Variants in DAB2 observed in about 807,000 individuals in gnomAD.
DAB2 encodes disabled homolog 2.
A neutral mutation model predicts 71.6 loss-of-function variants in DAB2; 28 were observed. The ratio of observed to expected loss-of-function variants is 0.39; its 90% CI spans 0.29 to 0.54. The LOEUF (loss-of-function observed/expected upper bound fraction) is 0.54. Ranked by LOEUF, DAB2 falls within the 20% of genes least tolerant of loss-of-function variation. The pLI is 0.68. For synonymous variants in DAB2, 345 were observed against 339.7 expected, an observed-to-expected ratio of 1.02 and a Z score of -0.17; for missense variants, 867 against 928.8, an observed-to-expected ratio of 0.93 and a Z score of 0.86.
At chr5:39,420,523 A>C (rs909115867) in intron 1 of DAB2, among the ~76,000 whole-genome samples, 4 of 152,084 alleles carry the variant, frequency 2.6e-5, no homozygotes, top group Non-Finnish European at 5.9e-5. Flanking sequence ...TGCCCCATTC[A>C]CTTAGAATTT....
intron 4 of DAB2, among the ~76,000 whole-genome samples, chr5:39,391,292 TG>T (rs1438276034): frequency 3.9e-5 from 6 of 152,192 alleles, no homozygotes; most frequent in African/African-American, 1.4e-4. Context: ...TAGGGATATT[TG>T]TAGGTGGCAG....
chr5:39,388,403 T>C lies in DAB2; in HGVS notation c.625-36A>G, dbSNP rs772431559. 7.7e-6 allele frequency: 11 copies of C among 1,419,424 alleles called. No homozygotes were observed. In the Admixed American group the frequency reaches 2.0e-4, roughly 25 times the overall value. The allele number at this position is 1,419,424 out of a possible 1,614,324, so 87.9% of individuals were successfully genotyped here. A position where few individuals can be genotyped will look rare whatever the true frequency, so the allele number is the denominator to read the frequency against. Reference sequence around the variant, plus strand: ...TATTTGGATTAGATTCAGATGTGTCTACTAAAAAAGATTACTTCGTATATT... The same window carrying C: ...TATTTGGATTAGATTCAGATGTGTCCACTAAAAAAGATTACTTCGTATATT... On this transcript the variant is annotated intron_variant, in intron 8 of 14. Transcript: ENST00000320816.
chr5:39,410,255 G>A (rs1755692980), intron 1 of DAB2, among the ~76,000 whole-genome samples: 1 of 152,110 alleles, frequency 6.6e-6, no homozygotes, highest in Admixed American at 6.5e-5. Flanking sequence ...TTTAAGATAA[G>A]CTCTTGAGAT....
chr5:39,389,022 T>A lies in DAB2; in HGVS notation c.570+75A>T, dbSNP rs546682739. The A allele has an allele frequency of 1.3e-5, 18 of 1,430,120 alleles. No individual in the cohort carries two copies. The African/African-American group carries it at 2.5e-4, about 20-fold the overall frequency. 88.6% of individuals were successfully genotyped at this position (1,430,120 alleles called of 1,614,324 possible). On this transcript the variant is annotated intron_variant, in intron 7 of 14. Transcript: ENST00000320816. ...ATAGTAATAAGCGAGGTGGCGAGAG[T>A]GGTTGGGCAGGTAGAAAACAGGGGC... is the stretch of plus-strand genomic sequence containing the variant.
At chr5:39,407,589 C>T (rs1443767971) in intron 1 of DAB2, among the ~76,000 whole-genome samples, 5 of 152,196 alleles carry the variant, frequency 3.3e-5, no homozygotes, top group South Asian at 2.1e-4. Context: ...TTCTCATCCC[C>T]GTATGAAATA....
At chr5:39,416,994 C>T (rs532653809) in intron 1 of DAB2, among the ~76,000 whole-genome samples, 33 of 152,156 alleles carry the variant, frequency 2.2e-4, no homozygotes, top group Middle Eastern at 3.4e-3. Flanking sequence ...CACATTCTGC[C>T]AATAGAGCCA....
chr5:39,401,337 T>C (rs1755494904), intron 1 of DAB2, among the ~76,000 whole-genome samples: 1 of 152,190 alleles, frequency 6.6e-6, no homozygotes, highest in South Asian at 2.1e-4. Flanking sequence ...ATCATTGCCT[T>C]TAATCTTTGA....
intron 12 of DAB2, 145 bp downstream of exon 12, chr5:39,376,505 G>A (rs1407549443): frequency 7.4e-6 from 7 of 942,706 alleles, no homozygotes; most frequent in Middle Eastern, 3.3e-4. Context: ...AAATGGTTAA[G>A]TTGTCTCCGT....
chr5:39,384,679 C>A (rs1218537498), intron 9 of DAB2, among the ~76,000 whole-genome samples: 1 of 152,050 alleles, frequency 6.6e-6, no homozygotes, highest in Non-Finnish European at 1.5e-5. Context: ...TTTGATGAAT[C>A]CGACATGTCT....
intron 11 of DAB2, among the ~76,000 whole-genome samples, chr5:39,379,270 G>A (rs993812633): frequency 5.3e-5 from 8 of 151,808 alleles, no homozygotes; most frequent in African/African-American, 1.9e-4. Context: ...CCTGGCCAAC[G>A]TGGCGAAACC....
At chr5:39,382,095 C>T (rs1231960976) in intron 10 of DAB2, among the ~76,000 whole-genome samples, 1 of 152,126 alleles carries the variant, frequency 6.6e-6, no homozygotes, top group Non-Finnish European at 1.5e-5. Flanking sequence ...TTTTAAATTG[C>T]TCTTAAATAA....
intron 7 of DAB2, 46 bp from the exon 8 acceptor site, chr5:39,388,898 TA>T (rs36051424): frequency 1.4e-5 from 21 of 1,529,978 alleles, no homozygotes; most frequent in Non-Finnish European, 1.8e-5. Context: ...GCTTTGTCTA[TA>T]AAATGTATTT....
At position 39,424,853 on chromosome 5, in the gene DAB2, G is replaced by A. The variant is rs1383625862; in HGVS notation, c.-151C>T. The A allele has an allele frequency of 6.6e-6, 1 of 152,566 alleles. No homozygotes were observed. Among genetic ancestry groups the A allele is most frequent in the Non-Finnish European group, 1.5e-5 (1 of 68,032 alleles). 9.5% of individuals were successfully genotyped at this position (152,566 alleles called of 1,614,324 possible). A position where few individuals can be genotyped will look rare whatever the true frequency, so the allele number is the denominator to read the frequency against. On this transcript the variant is annotated 5_prime_UTR_variant, in exon 1 of 15. Transcript: ENST00000320816. ...CGAGCATGACTTCCCCGCGCCCGGA[G>A]CCTCCAGGCTACAGCGCAGCGGATG...
At chr5:39,411,435 G>A (rs1250268439) in intron 1 of DAB2, among the ~76,000 whole-genome samples, 1 of 152,134 alleles carries the variant, frequency 6.6e-6, no homozygotes, top group African/African-American at 2.4e-5. Flanking sequence ...ATACTTAAGG[G>A]AAATGTGGGA....
chr5:39,382,696 C>G lies in DAB2; in HGVS notation c.1263G>C (p.Gln421His). Residue 421 changes from glutamine to histidine, a missense_variant, in exon 10 of 15, where the codon CAG becomes CAC. Coordinates refer to ENST00000320816, the MANE Select transcript of DAB2 (RefSeq NM_001343.4). ...TGGCTATGGAGTCATGTGGTGAGGA[C>G]TGGACAGAGCTTTCCAAGTCCTGCT... ...GVKQDLESSVQSSPHDSIAII... is the reference protein window; with the variant it reads ...GVKQDLESSVHSSPHDSIAII... 1 of 1,614,168 alleles carries G rather than the reference C, an allele frequency of 6.2e-7. No homozygotes were observed. The highest frequency in any genetic ancestry group is 8.5e-7 in the Non-Finnish European group (1 of 1,180,020).
chr5:39,424,709 G>A (rs1756065119), intron 1 of DAB2, 95 bp downstream of exon 1: 2 of 151,818 alleles, frequency 1.3e-5, no homozygotes, highest in South Asian at 4.2e-4. Flanking sequence ...AGGGTAGCGG[G>A]GGGCGGGGGG....
chr5:39,397,247 G>C (rs1464884718), intron 1 of DAB2, among the ~76,000 whole-genome samples: 1 of 152,144 alleles, frequency 6.6e-6, no homozygotes, highest in Non-Finnish European at 1.5e-5. Context: ...TCAGCCCTCT[G>C]GCATACTCTC....
In DAB2 at chr5:39,422,948, G is replaced by A. The variant is rs1011918913; in HGVS notation, c.-102+1856C>T. Among the ~76,000 whole-genome samples, 1 of 152,176 alleles carries A rather than the reference G, an allele frequency of 6.6e-6. No homozygotes were observed. Among genetic ancestry groups the A allele is most frequent in the African/African-American group, 2.4e-5 (1 of 41,430 alleles). On this transcript the variant is annotated intron_variant, in intron 1 of 14. Transcript: ENST00000320816. The surrounding 1 kb of genome is among the most constrained non-coding windows in gnomAD (Gnocchi z 4.1). ...ACAAATTAGACAAGGTTTGTAACAA[G>A]TGCTTTCTTCCCTCACTTACATCCT...
At chr5:39,399,278 C>G (rs1755444918) in intron 1 of DAB2, among the ~76,000 whole-genome samples, 1 of 152,074 alleles carries the variant, frequency 6.6e-6, no homozygotes, top group Non-Finnish European at 1.5e-5. Flanking sequence ...GGTGTTATCA[C>G]AAGGCAAGGA....
Sources: allele counts gnomAD v4.1 joint callset (sites outside exome capture counted in the v4.1 genomes callset), GRCh38; gene constraint gnomAD v4.1.1; non-coding constraint Gnocchi (gnomAD v3.1); transcripts MANE v1.5; gene names NCBI Gene and HGNC (gene_info 2026-07-23, HGNC 2026-07-21).